BSCL2: variants seen among roughly 807,000 people sequenced by gnomAD.
BSCL2 encodes BSCL2 lipid droplet biogenesis associated, seipin.
In BSCL2, 41 loss-of-function variants were observed where a neutral mutation model predicts 57.4. The ratio of observed to expected loss-of-function variants is 0.71; its 90% CI spans 0.56 to 0.93. BSCL2 has a LOEUF of 0.93. Ranked by LOEUF, BSCL2 falls within the 40% of genes least tolerant of loss-of-function variation. BSCL2 has a pLI of 0.00. For synonymous variants in BSCL2, 237 were observed against 227.3 expected (o/e 1.04, Z -0.38); for missense variants, 539 against 586.7 (o/e 0.92, Z 0.84).
chr11:62,698,158 C>T (rs916008858), intron 3 of BSCL2, among the ~76,000 whole-genome samples: 5 of 151,910 alleles, frequency 3.3e-5, no homozygotes, highest in Non-Finnish European at 7.4e-5. Flanking sequence ...CCACCCGCCT[C>T]GGCCTCCCAA....
intron 3 of BSCL2, among the ~76,000 whole-genome samples, chr11:62,697,143 C>T (rs937134882): frequency 7.2e-5 from 11 of 152,066 alleles, no homozygotes; most frequent in African/African-American, 2.7e-4. Flanking sequence ...GCCTGTAATC[C>T]CAGCACTTTG....
upstream of BSCL2, chr11:62,707,764 C>A: frequency 3.6e-6 from 1 of 277,106 alleles, no homozygotes. Context: ...CCTGGCCCTC[C>A]CCAGGGGCCT....
At chr11:62,706,432 T>G (rs539704135) in intron 1 of BSCL2, 9 of 493,702 alleles carry the variant, frequency 1.8e-5, no homozygotes, top group Non-Finnish European at 2.9e-5. Context: ...AGCTGCGAGG[T>G]CGCTGTCTCC....
chr11:62,708,732 G>A, upstream of BSCL2: 1 of 1,614,082 alleles, frequency 6.2e-7, no homozygotes, highest in African/African-American at 1.3e-5. Flanking sequence ...CGCCTGTGAG[G>A]ATCCCCTCAT....
At position 62,704,464 on chromosome 11, in the gene BSCL2, T is replaced by A. The variant is rs895790681; in HGVS notation, c.404+837A>T. ...AGGAGGCTGAGGCAGGAGAATGGCG[T>A]GAGCCCAGGAGGCGGAGCTTGCAGT... is the stretch of plus-strand genomic sequence containing the variant. On this transcript the variant is annotated intron_variant, in intron 2 of 10. Transcript: ENST00000360796. Among the ~76,000 whole-genome samples, 3 of 151,286 alleles carry A rather than the reference T, an allele frequency of 2.0e-5. No individual in the cohort carries two copies. In the East Asian group the frequency reaches 5.8e-4, roughly 29 times the overall value.
In BSCL2 at chr11:62,690,798, G is replaced by A. The variant is rs1379959398; in HGVS notation, c.1142C>T (p.Pro381Leu). 2.5e-6 allele frequency: 4 copies of A among 1,613,536 alleles called. No individual in the cohort carries two copies. The highest frequency in any genetic ancestry group is 3.4e-6 in the Non-Finnish European group (4 of 1,179,992). ...VTEDGESPED[P>L]SGTEGQLSEE... ...TGGCTGCGCCATACCTGTCCCTGAG[G>A]GATCTTCAGGGCTCTCACCATCCTC... is the stretch of plus-strand genomic sequence containing the variant. Residue 381 changes from proline to leucine, a missense_variant, in exon 9 of 11, where the codon CCC (proline) becomes CTC (leucine). Pro to Leu is a moderately conservative substitution (Grantham distance 98). Transcript: ENST00000360796.
intron 6 of BSCL2, among the ~76,000 whole-genome samples, chr11:62,692,072 T>A (rs1036746487): frequency 2.0e-5 from 3 of 147,242 alleles, no homozygotes; most frequent in African/African-American, 7.6e-5. Context: ...AAAAAAAAAA[T>A]TCTGCTCACT....
chr11:62,699,957 C>G (rs947008100), intron 3 of BSCL2, among the ~76,000 whole-genome samples: 2 of 151,848 alleles, frequency 1.3e-5, no homozygotes, highest in African/African-American at 4.8e-5. Context: ...GCTGAGATTA[C>G]AGGCGTGAGC....
intron 1 of BSCL2, chr11:62,706,268 G>A (rs2083532499): frequency 6.4e-6 from 7 of 1,089,900 alleles, no homozygotes; most frequent in Admixed American, 5.1e-5. Flanking sequence ...CCAGCCTCGC[G>A]CGCTGCCAGG....
chr11:62,697,147 C>T (rs1945493320), intron 3 of BSCL2, among the ~76,000 whole-genome samples: 1 of 152,070 alleles, frequency 6.6e-6, no homozygotes, highest in Non-Finnish European at 1.5e-5. Flanking sequence ...GTAATCCCAG[C>T]ACTTTGGGAG....
upstream of BSCL2, chr11:62,707,544 C>T: frequency 1.7e-6 from 1 of 601,816 alleles, no homozygotes; most frequent in Non-Finnish European, 3.0e-6. Context: ...GTCTCTAGCC[C>T]AGAGTCAGGA....
At chr11:62,691,504 G>T in intron 6 of BSCL2, 83 bp from the exon 7 acceptor site, 1 of 1,533,316 alleles carries the variant, frequency 6.5e-7, no homozygotes. Flanking sequence ...TAATTTCTAG[G>T]GCAATTCAAG....
At chr11:62,704,362 T>C (rs1590884008) in intron 2 of BSCL2, among the ~76,000 whole-genome samples, 1 of 82,136 alleles carries the variant, frequency 1.2e-5, no homozygotes. Flanking sequence ...TGAAACCCCA[T>C]CTCTACTAAA....
Position 62,699,044 on chromosome 11 carries a change from T to G in BSCL2, c.486+3424A>C, listed in dbSNP as rs373321529. 3.9e-5 allele frequency among the ~76,000 whole-genome samples: 6 copies of G among 152,120 alleles called. No individual in the cohort carries two copies. The South Asian group carries it at 1.2e-3, about 32-fold the overall frequency. On this transcript the variant is annotated intron_variant, in intron 3 of 10. Transcript: ENST00000360796. ...CCTCAGCCTCCAGAGTAGCTGGGAT[T>G]ACAGGTGCACACCACCACGCCCAGC...
At chr11:62,707,569 G>T, upstream of BSCL2, 1 of 586,816 alleles carries the variant, frequency 1.7e-6, no homozygotes, top group Admixed American at 3.0e-5. Context: ...TGCAATGGGG[G>T]AGGGGCAGGC....
rs1011809807 is a variant in BSCL2, at chr11:62,703,782, G to A, written c.405-1233C>T. 5.9e-5 allele frequency among the ~76,000 whole-genome samples: 9 copies of A among 151,982 alleles called. 1 individual carries two copies. In the South Asian group the frequency reaches 1.7e-3, roughly 28 times the overall value. On this transcript the variant is annotated intron_variant, in intron 2 of 10. Coordinates refer to ENST00000360796, the MANE Select transcript of BSCL2 (RefSeq NM_001122955.4). ...ATGACTTTAAACCATTGATTATAAC[G>A]CCCTTCTCTGCATCTGTTGATAGGT... is the stretch of plus-strand genomic sequence containing the variant.
intron 3 of BSCL2, among the ~76,000 whole-genome samples, chr11:62,695,128 G>C (rs1945417872): frequency 6.6e-6 from 1 of 152,146 alleles, no homozygotes; most frequent in African/African-American, 2.4e-5. Context: ...GCCAGCTCTG[G>C]CACAGTCATC....
At position 62,698,332 on chromosome 11, in the gene BSCL2, G is replaced by C. The variant is rs149428735; in HGVS notation, c.487-3621C>G. Among the ~76,000 whole-genome samples the C allele has an allele frequency of 1.4e-3, 216 of 151,888 alleles. 1 individual carries two copies. Among genetic ancestry groups the C allele is most frequent in the Middle Eastern group, 6.8e-3 (2 of 294 alleles). On this transcript the variant is annotated intron_variant, in intron 3 of 10. Coordinates refer to ENST00000360796, the MANE Select transcript of BSCL2 (RefSeq NM_001122955.4). The stretch of plus-strand genomic sequence containing the variant: ...TCCTGTCTCAGCCTCCCAAGTAGCT[G>C]GGACTACAGGCACACACCACCACGC...
At chr11:62,705,787 C>T (rs2083520579) in intron 1 of BSCL2, 170 bp from the exon 2 acceptor site, 4 of 683,952 alleles carry the variant, frequency 5.8e-6, no homozygotes, top group Non-Finnish European at 7.2e-6. Flanking sequence ...ATTACCCCTT[C>T]CCTTTCCTCC....
Sources: gnomAD v4.1 joint callset for allele counts (sites outside exome capture counted in the v4.1 genomes callset) on GRCh38, gnomAD v4.1.1 for gene constraint, MANE v1.5 for transcripts, NCBI Gene and HGNC (gene_info 2026-07-23, HGNC 2026-07-21) for gene names.